The following EGF variants were observed in gnomAD, a reference collection of about 807,000 sequenced individuals.
The protein encoded by EGF is pro-epidermal growth factor.
In EGF, 95 loss-of-function variants were observed where a neutral mutation model predicts 143.8. The ratio of observed to expected loss-of-function variants is 0.66; its 90% CI spans 0.56 to 0.78. The LOEUF (loss-of-function observed/expected upper bound fraction) is 0.78, where lower values mean the gene tolerates loss of function less well. Among genes scored for constraint, EGF ranks in the 30% least tolerant of loss-of-function variants. The probability of loss-of-function intolerance (pLI) is 0.00; values close to 1 mark genes in which losing one functional copy is unlikely to be tolerated. For synonymous variants in EGF, 510 were observed against 510.5 expected (o/e 1.00, Z 0.01); for missense variants, 1,320 against 1,470.9 (o/e 0.90, Z 1.68).
At chr4:109,947,359 TG>T (rs1251010522) in intron 5 of EGF, among the ~76,000 whole-genome samples, 1 of 152,020 alleles carries the variant, frequency 6.6e-6, no homozygotes, top group Admixed American at 6.6e-5. Flanking sequence ...GAGATAGAAT[TG>T]TTTATATCTT....
At chr4:109,924,556 A>G (rs1434535004) in intron 1 of EGF, among the ~76,000 whole-genome samples, 1 of 147,508 alleles carries the variant, frequency 6.8e-6, no homozygotes, top group Non-Finnish European at 1.5e-5. Flanking sequence ...GGGATTCCTG[A>G]CAGGGCAATG....
intron 1 of EGF, among the ~76,000 whole-genome samples, chr4:109,924,227 T>C (rs1482956261): frequency 2.0e-5 from 3 of 151,550 alleles, no homozygotes; most frequent in Non-Finnish European, 4.4e-5. Flanking sequence ...AGAATATAGC[T>C]CAGGACCCTA....
Position 109,933,781 on chromosome 4 carries a change from C to T in EGF, c.128-7165C>T, listed in dbSNP as rs192402133. 6.0e-3 allele frequency among the ~76,000 whole-genome samples: 909 copies of T among 152,246 alleles called. 7 individuals are homozygous for T. Among genetic ancestry groups the T allele is most frequent in the African/African-American group, 0.021 (863 of 41,532 alleles). On this transcript the variant is annotated intron_variant, in intron 1 of 23. Coordinates refer to ENST00000265171, the MANE Select transcript of EGF (RefSeq NM_001963.6). ...CCTTTTTTATGGCGGCATAGTATTC[C>T]ATGGTGTATATGTGCCACATTTTCT...
chr4:109,981,931 G>A (rs1484825231), intron 15 of EGF, among the ~76,000 whole-genome samples: 1 of 150,782 alleles, frequency 6.6e-6, no homozygotes, highest in African/African-American at 2.4e-5. Context: ...GTGAAACTGG[G>A]TTTTATTTTT....
At chr4:109,982,481 T>A (rs1188562368) in intron 15 of EGF, among the ~76,000 whole-genome samples, 1 of 151,788 alleles carries the variant, frequency 6.6e-6, no homozygotes, top group African/African-American at 2.4e-5. Flanking sequence ...GCGTGCACCA[T>A]CATGCCCAGC....
Position 109,968,779 on chromosome 4 carries a change from T to A in EGF, c.1576-192T>A, listed in dbSNP as rs4698802. ...ATTTTACCGATGAGGAAACTAAGATTCTGAGACATTAAATAACTTGCTTAA... is the reference window on the plus strand; with the variant it reads ...ATTTTACCGATGAGGAAACTAAGATACTGAGACATTAAATAACTTGCTTAA... On this transcript the variant is annotated intron_variant, in intron 10 of 23. Coordinates refer to ENST00000265171, the MANE Select transcript of EGF (RefSeq NM_001963.6). 0.025 allele frequency: 15,726 copies of A among 625,072 alleles called. 1,224 individuals carry two copies. The highest frequency in any genetic ancestry group is 0.19 in the East Asian group (6,730 of 34,602). The allele number at this position is 625,072 out of a possible 1,614,324, so 38.7% of individuals were successfully genotyped here. A position where few individuals can be genotyped will look rare whatever the true frequency, so the allele number is the denominator to read the frequency against.
At chr4:109,973,108 C>T (rs1747924528) in intron 11 of EGF, among the ~76,000 whole-genome samples, 1 of 152,220 alleles carries the variant, frequency 6.6e-6, no homozygotes, top group Non-Finnish European at 1.5e-5. Flanking sequence ...TATATCCTGT[C>T]TGCCTGTGGT....
chr4:109,940,175 AC>A (rs1362809762), intron 1 of EGF, among the ~76,000 whole-genome samples: 2 of 152,076 alleles, frequency 1.3e-5, no homozygotes, highest in African/African-American at 2.4e-5. Flanking sequence ...ACAGGAGAGG[AC>A]CCCAGGTACA....
intron 1 of EGF, among the ~76,000 whole-genome samples, chr4:109,939,513 C>T (rs116027210): frequency 0.023 from 3,535 of 152,360 alleles, 131 homozygotes; most frequent in African/African-American, 0.079. Context: ...GGCAACACCC[C>T]ACCCTGCTTC....
intron 1 of EGF, among the ~76,000 whole-genome samples, chr4:109,916,684 T>A (rs1350463485): frequency 6.6e-6 from 1 of 152,162 alleles, no homozygotes. Flanking sequence ...TTAATATATG[T>A]AAAGTGCACA....
intron 1 of EGF, among the ~76,000 whole-genome samples, chr4:109,933,267 G>C (rs1187903896): frequency 1.3e-5 from 2 of 152,140 alleles, no homozygotes; most frequent in African/African-American, 4.8e-5. Flanking sequence ...AGTGGAGCAT[G>C]GGCCCTCGCT....
At chr4:109,951,840 A>G (rs1743981329) in intron 5 of EGF, among the ~76,000 whole-genome samples, 1 of 152,180 alleles carries the variant, frequency 6.6e-6, no homozygotes, top group Non-Finnish European at 1.5e-5. Context: ...ATTTGTTTTG[A>G]GAAGCCTGTA....
intron 22 of EGF, among the ~76,000 whole-genome samples, chr4:110,007,753 T>C (rs1472154199): frequency 6.6e-6 from 1 of 152,200 alleles, no homozygotes; most frequent in Admixed American, 6.5e-5. Context: ...AATGTGTGTG[T>C]GCGTGTGTGT....
chr4:109,965,466 C>T (rs1346134112), intron 10 of EGF, among the ~76,000 whole-genome samples: 1 of 151,960 alleles, frequency 6.6e-6, no homozygotes, highest in African/African-American at 2.4e-5. Flanking sequence ...TTTCCCTGAC[C>T]TGAATCTATA....
intron 11 of EGF, among the ~76,000 whole-genome samples, chr4:109,973,648 G>A (rs914306682): frequency 3.8e-5 from 5 of 131,068 alleles, no homozygotes; most frequent in African/African-American, 1.5e-4. Context: ...TCCCCTCCCC[G>A]TCCAGTCCAC....
At chr4:109,946,647 T>C (rs1327497319) in intron 5 of EGF, among the ~76,000 whole-genome samples, 1 of 152,298 alleles carries the variant, frequency 6.6e-6, no homozygotes, top group East Asian at 1.9e-4. Flanking sequence ...TGATTGTAAG[T>C]GCCATACAGG....
chr4:109,981,009 C>T (rs752818899), intron 15 of EGF, 34 bp downstream of exon 15: 31 of 1,613,662 alleles, frequency 1.9e-5, no homozygotes, highest in Non-Finnish European at 2.5e-5. Context: ...AATTACCTAA[C>T]GTTGGCTCAG....
In EGF at chr4:109,922,460, G is replaced by A. The variant is rs185407767; in HGVS notation, c.127+8998G>A. On this transcript the variant is annotated intron_variant, in intron 1 of 23. Transcript: ENST00000265171. The stretch of plus-strand genomic sequence containing the variant: ...ACAGGAGCTAATAGAAATATATAGC[G>A]CATGACATCCTCTTTAACATGAGCT... 1.0e-3 allele frequency among the ~76,000 whole-genome samples: 155 copies of A among 151,726 alleles called. 4 individuals are homozygous for A. Among genetic ancestry groups the A allele is most frequent in the African/African-American group, 2.1e-3 (86 of 41,028 alleles).
At chr4:109,977,014 G>A (rs1334845630) in intron 13 of EGF, among the ~76,000 whole-genome samples, 3 of 152,160 alleles carry the variant, frequency 2.0e-5, no homozygotes, top group East Asian at 1.9e-4. Flanking sequence ...TGGAGAGAAG[G>A]AAATCTGTTA....
Sources: allele counts gnomAD v4.1 joint callset (sites outside exome capture counted in the v4.1 genomes callset), GRCh38; gene constraint gnomAD v4.1.1; transcripts MANE v1.5; gene names NCBI Gene and HGNC (gene_info 2026-07-23, HGNC 2026-07-21).